ARHGAP10: variants seen among roughly 807,000 people sequenced by gnomAD.
ARHGAP10 encodes Rho GTPase activating protein 10.
In ARHGAP10, 87 loss-of-function variants were observed where a neutral mutation model predicts 108.6. The ratio of observed to expected loss-of-function variants is 0.80; its 90% CI spans 0.67 to 0.96. ARHGAP10 has a LOEUF of 0.96. Ranked by LOEUF, ARHGAP10 falls within the 40% of genes least tolerant of loss-of-function variation. The probability of loss-of-function intolerance (pLI) is 0.00; values close to 1 mark genes in which losing one functional copy is unlikely to be tolerated. For missense variants in ARHGAP10, 939 were observed against 954.5 expected, an observed-to-expected ratio of 0.98 and a Z score of 0.21; for synonymous variants, 347 against 341.1, an observed-to-expected ratio of 1.02 and a Z score of -0.19.
intron 19 of ARHGAP10, among the ~76,000 whole-genome samples, chr4:148,038,636 A>G (rs1265831871): frequency 1.3e-5 from 2 of 152,198 alleles, no homozygotes; most frequent in South Asian, 2.1e-4. Context: ...TGGGCAGAGA[A>G]GCCACTGAAA....
At chr4:147,936,567 G>T (rs912899688) in intron 13 of ARHGAP10, among the ~76,000 whole-genome samples, 1 of 151,660 alleles carries the variant, frequency 6.6e-6, no homozygotes, top group Non-Finnish European at 1.5e-5. Context: ...CTGACCTCAT[G>T]ATCCACCCGC....
At chr4:147,922,461 G>A (rs375617314) in intron 13 of ARHGAP10, among the ~76,000 whole-genome samples, 2 of 151,172 alleles carry the variant, frequency 1.3e-5, no homozygotes, top group Non-Finnish European at 2.9e-5. Flanking sequence ...AGGCCGAGGC[G>A]GGCGGATCAC....
In ARHGAP10 at chr4:147,966,844, A is replaced by AT; in HGVS notation, c.1716+5_1716+6insT. 6.4e-7 allele frequency: 1 copy of AT among 1,563,790 alleles called. No homozygotes were observed. The highest frequency in any genetic ancestry group is 8.7e-7 in the Non-Finnish European group (1 of 1,148,070). On this transcript the variant is annotated splice_donor_region_variant and intron_variant, in intron 18 of 22. Coordinates refer to ENST00000336498, the MANE Select transcript of ARHGAP10 (RefSeq NM_024605.4). ...TTAATTGAAAACCATGAAAAGGTAA[A>AT]ATTTTTTTTTTCTTTAAGAGACTTT...
chr4:147,743,548 C>T (rs937441644), intron 1 of ARHGAP10, among the ~76,000 whole-genome samples: 5 of 152,140 alleles, frequency 3.3e-5, no homozygotes, highest in Admixed American at 6.5e-5. Flanking sequence ...GAGGCTGAGG[C>T]GGGCGGATCA....
intron 13 of ARHGAP10, among the ~76,000 whole-genome samples, chr4:147,922,547 G>C (rs550635382): frequency 6.6e-6 from 1 of 151,316 alleles, no homozygotes; most frequent in South Asian, 2.1e-4. Flanking sequence ...AAATAGCCGG[G>C]CGTAGTGGCG....
Position 147,784,668 on chromosome 4 carries a change from T to TTATAAATATAAAATATTATAAAA in ARHGAP10, c.155-38055_155-38054insAATATAAAATATTATAAAATATA, listed in dbSNP as rs1425386429. ...TAAAATATATATTATAAAATATATATTATATATTATAAATATAAAATATAT... is the reference window on the plus strand; with the variant it reads ...TAAAATATATATTATAAAATATATATTATAAATATAAAATATTATAAAATATATATTATAAATATAAAATATAT... On this transcript the variant is annotated intron_variant, in intron 1 of 22. Coordinates refer to ENST00000336498, the MANE Select transcript of ARHGAP10 (RefSeq NM_024605.4). Among the ~76,000 whole-genome samples the TTATAAATATAAAATATTATAAAA allele has an allele frequency of 1.5e-3, 3 of 1,944 alleles. 1 individual carries two copies. Among genetic ancestry groups the TTATAAATATAAAATATTATAAAA allele is most frequent in the African/African-American group, 3.2e-3 (3 of 952 alleles). The allele number at this position is 1,944 out of a possible 152,430, so 1.3% of individuals were successfully genotyped here.
chr4:147,959,043 A>G (rs906457860), intron 16 of ARHGAP10, among the ~76,000 whole-genome samples: 2 of 152,090 alleles, frequency 1.3e-5, no homozygotes, highest in African/African-American at 2.4e-5. Context: ...TTCTTTGTCA[A>G]TCAGTAGCAA....
chr4:147,936,717 G>A (rs929902272), intron 13 of ARHGAP10, among the ~76,000 whole-genome samples: 6 of 152,172 alleles, frequency 3.9e-5, no homozygotes, highest in African/African-American at 1.4e-4. Context: ...GTAGACTTAG[G>A]TAGACTAAGG....
At chr4:148,042,364 T>C (rs59356913) in intron 19 of ARHGAP10, among the ~76,000 whole-genome samples, 1,995 of 152,340 alleles carry the variant, frequency 0.013, 42 homozygotes, top group African/African-American at 0.046. Context: ...TAAATTCATA[T>C]GCCTTTACAT....
At chr4:148,068,132 G>A (rs1394649382) in intron 22 of ARHGAP10, among the ~76,000 whole-genome samples, 1 of 152,176 alleles carries the variant, frequency 6.6e-6, no homozygotes, top group Non-Finnish European at 1.5e-5. Context: ...GTCCTGCTGT[G>A]TCTTTCCAGT....
At chr4:147,842,662 T>G (rs990111962) in intron 3 of ARHGAP10, among the ~76,000 whole-genome samples, 12 of 152,200 alleles carry the variant, frequency 7.9e-5, no homozygotes, top group Admixed American at 7.9e-4. Context: ...TCCCTCTGTT[T>G]CAGGCTGAGC....
chr4:147,957,883 C>T (rs1180213606), intron 16 of ARHGAP10, among the ~76,000 whole-genome samples: 3 of 152,086 alleles, frequency 2.0e-5, no homozygotes, highest in Non-Finnish European at 1.5e-5. Flanking sequence ...AAAAAAAGAT[C>T]AACTTACTTT....
At chr4:147,931,154 T>A (rs116229698) in intron 13 of ARHGAP10, among the ~76,000 whole-genome samples, 1 of 152,134 alleles carries the variant, frequency 6.6e-6, no homozygotes, top group African/African-American at 2.4e-5. Context: ...TTGTGGGAGA[T>A]TGGAGGAGAC....
chr4:147,871,734 A>G (rs1734831821), intron 7 of ARHGAP10, among the ~76,000 whole-genome samples: 1 of 152,222 alleles, frequency 6.6e-6, no homozygotes, highest in Admixed American at 6.5e-5. Flanking sequence ...ATAATTGGAA[A>G]TTGCAAGGTT....
chr4:148,009,071 T>G (rs1195137320), intron 18 of ARHGAP10, among the ~76,000 whole-genome samples: 1 of 152,048 alleles, frequency 6.6e-6, no homozygotes, highest in African/African-American at 2.4e-5. Context: ...ATCCACATGA[T>G]CAGAAGTTCT....
At chr4:147,798,779 C>CTATATA (rs1731450872) in intron 1 of ARHGAP10, among the ~76,000 whole-genome samples, 2 of 3,532 alleles carry the variant, frequency 5.7e-4, no homozygotes, top group African/African-American at 8.1e-4. Context: ...CTCTCTCTCT[C>CTATATA]TCTATATATA....
intron 3 of ARHGAP10, among the ~76,000 whole-genome samples, chr4:147,828,251 A>G (rs1306356846): frequency 1.3e-5 from 2 of 152,258 alleles, no homozygotes; most frequent in Admixed American, 6.5e-5. Flanking sequence ...GAAGGCAAAC[A>G]GTAATGTCAA....
intron 19 of ARHGAP10, among the ~76,000 whole-genome samples, chr4:148,043,801 C>A (rs1728761060): frequency 7.1e-6 from 1 of 140,514 alleles, no homozygotes; most frequent in Non-Finnish European, 1.5e-5. Flanking sequence ...TATATATATG[C>A]ATTCATTCCA....
intron 18 of ARHGAP10, among the ~76,000 whole-genome samples, chr4:147,985,190 G>C (rs777056060): frequency 4.6e-5 from 7 of 152,026 alleles, no homozygotes; most frequent in Non-Finnish European, 1.0e-4. Flanking sequence ...AGCTCTGGCT[G>C]CAGATCCAGG....
Sources: gnomAD v4.1 joint callset for allele counts (sites outside exome capture counted in the v4.1 genomes callset) on GRCh38, gnomAD v4.1.1 for gene constraint, MANE v1.5 for transcripts, NCBI Gene and HGNC (gene_info 2026-07-23, HGNC 2026-07-21) for gene names.